PRKG1: variants seen among roughly 807,000 people sequenced by gnomAD.
PRKG1 encodes protein kinase cGMP-dependent 1.
A neutral mutation model predicts 88.1 loss-of-function variants in PRKG1; 35 were observed. The ratio of observed to expected loss-of-function variants is 0.40; its 90% CI spans 0.30 to 0.53. The LOEUF is 0.53. Ranked by LOEUF, PRKG1 falls within the 20% of genes least tolerant of loss-of-function variation. PRKG1 has a pLI of 0.59. For missense variants in PRKG1, 540 were observed against 839.8 expected (o/e 0.64, Z 4.41); for synonymous variants, 303 against 292.5 (o/e 1.04, Z -0.37).
intron 2 of PRKG1, among the ~76,000 whole-genome samples, chr10:51,435,958 C>T (rs1002356582): frequency 6.6e-6 from 1 of 151,884 alleles, no homozygotes; most frequent in Non-Finnish European, 1.5e-5. Context: ...TTCTTAGGAT[C>T]TTGGTTGATG....
intron 9 of PRKG1, among the ~76,000 whole-genome samples, chr10:52,243,460 G>A (rs1875795): frequency 0.051 from 7,718 of 152,056 alleles, 633 homozygotes; most frequent in African/African-American, 0.17. Context: ...GCAATGTGGA[G>A]GTTAAACTAG....
intron 3 of PRKG1, among the ~76,000 whole-genome samples, chr10:51,780,927 C>T (rs772081688): frequency 9.2e-5 from 14 of 152,000 alleles, no homozygotes; most frequent in African/African-American, 2.2e-4. Context: ...TAAGAGCAAA[C>T]GTTAAGCCTT....
intron 1 of PRKG1, among the ~76,000 whole-genome samples, chr10:51,119,033 G>T (rs1055779991): frequency 6.6e-6 from 1 of 152,118 alleles, no homozygotes; most frequent in Admixed American, 6.6e-5. Flanking sequence ...TTTAGGCAAT[G>T]AATAGTTGTC....
chr10:51,428,403 T>A (rs1260266993), intron 2 of PRKG1, among the ~76,000 whole-genome samples: 1 of 152,188 alleles, frequency 6.6e-6, no homozygotes, highest in Non-Finnish European at 1.5e-5. Context: ...CACTAAATCT[T>A]GATGAAGCCA....
chr10:51,091,841 C>T (rs1844405195), intron 1 of PRKG1, among the ~76,000 whole-genome samples: 1 of 152,086 alleles, frequency 6.6e-6, no homozygotes, highest in Admixed American at 6.6e-5. Context: ...ATAATTGCTC[C>T]ATTTTAGGGA....
intron 5 of PRKG1, among the ~76,000 whole-genome samples, chr10:51,970,037 C>G (rs1843668788): frequency 1.1e-5 from 1 of 90,122 alleles, no homozygotes; most frequent in African/African-American, 3.5e-5. Flanking sequence ...CACACACACA[C>G]ACACACACAC....
At chr10:51,521,608 C>G (rs1841738559) in intron 3 of PRKG1, among the ~76,000 whole-genome samples, 2 of 152,200 alleles carry the variant, frequency 1.3e-5, no homozygotes, top group African/African-American at 4.8e-5. Flanking sequence ...CACTTCTGAA[C>G]TAAGCTTTAA....
chr10:51,813,592 A>T (rs764350168), intron 4 of PRKG1, among the ~76,000 whole-genome samples: 1 of 152,202 alleles, frequency 6.6e-6, no homozygotes, highest in Non-Finnish European at 1.5e-5. Context: ...GGCCAAACAG[A>T]TAAAGAAAAC....
At chr10:51,866,425 A>G (rs1014552991) in intron 4 of PRKG1, among the ~76,000 whole-genome samples, 3 of 152,108 alleles carry the variant, frequency 2.0e-5, no homozygotes, top group African/African-American at 7.2e-5. Context: ...AAACATAATT[A>G]TTTTGAAGGC....
intron 3 of PRKG1, among the ~76,000 whole-genome samples, chr10:51,493,596 G>A (rs565301456): frequency 6.0e-4 from 92 of 152,154 alleles, no homozygotes; most frequent in East Asian, 9.6e-4. Flanking sequence ...AAGATTCTTC[G>A]CTTGGATTGA....
chr10:51,983,055 C>G (rs1160030712), intron 5 of PRKG1, among the ~76,000 whole-genome samples: 1 of 152,072 alleles, frequency 6.6e-6, no homozygotes, highest in Non-Finnish European at 1.5e-5. Flanking sequence ...TTTGTGCCCT[C>G]TTTGTGTGCT....
intron 6 of PRKG1, among the ~76,000 whole-genome samples, chr10:52,060,337 G>A (rs1170338055): frequency 1.3e-5 from 2 of 151,636 alleles, no homozygotes; most frequent in African/African-American, 4.8e-5. Context: ...GGATAAGAAA[G>A]GATTTCTTGA....
chr10:51,145,512 C>T (rs964349712), intron 1 of PRKG1, among the ~76,000 whole-genome samples: 2 of 152,132 alleles, frequency 1.3e-5, no homozygotes, highest in African/African-American at 4.8e-5. Context: ...TTCTGTGAAA[C>T]TTCACGGTTT....
intron 2 of PRKG1, among the ~76,000 whole-genome samples, chr10:51,312,409 G>C (rs184569018): frequency 6.6e-6 from 1 of 152,174 alleles, no homozygotes; most frequent in Non-Finnish European, 1.5e-5. Context: ...GGAAAACTGC[G>C]CTATGACAAA....
At chr10:52,162,704 A>G (rs1167311644) in intron 9 of PRKG1, among the ~76,000 whole-genome samples, 1 of 152,186 alleles carries the variant, frequency 6.6e-6, no homozygotes, top group Non-Finnish European at 1.5e-5. Context: ...AATCAAAAGA[A>G]GTAAAATAAT....
chr10:52,190,374 A>G (rs1307436477), intron 9 of PRKG1, among the ~76,000 whole-genome samples: 1 of 152,208 alleles, frequency 6.6e-6, no homozygotes, highest in Non-Finnish European at 1.5e-5. Context: ...AATGCATTCA[A>G]AAGCATTTTG....
At chr10:51,278,405 C>G (rs1226072420) in intron 2 of PRKG1, among the ~76,000 whole-genome samples, 2 of 152,112 alleles carry the variant, frequency 1.3e-5, no homozygotes, top group Non-Finnish European at 2.9e-5. Context: ...GGATATTGGT[C>G]TAAAATTCTC....
chr10:51,325,190 T>A (rs144823327), intron 2 of PRKG1, among the ~76,000 whole-genome samples: 18 of 152,340 alleles, frequency 1.2e-4, no homozygotes, highest in Admixed American at 1.1e-3. Flanking sequence ...TCCAGAAATA[T>A]CTATTCAGGT....
chr10:51,134,469 A>T (rs1324228360), intron 1 of PRKG1, among the ~76,000 whole-genome samples: 1 of 152,152 alleles, frequency 6.6e-6, no homozygotes, highest in African/African-American at 2.4e-5. Flanking sequence ...ACTTATTGTG[A>T]TACCATGCAG....
Sources: allele counts gnomAD v4.1 joint callset (sites outside exome capture counted in the v4.1 genomes callset), GRCh38; gene constraint gnomAD v4.1.1; transcripts MANE v1.5; gene names NCBI Gene and HGNC (gene_info 2026-07-23, HGNC 2026-07-21).